Variants in ZDHHC2 observed in about 807,000 individuals in gnomAD.
ZDHHC2 encodes palmitoyltransferase ZDHHC2.
Under a neutral mutation model 55.6 loss-of-function variants are expected in ZDHHC2, and 51 were observed. The ratio of observed to expected loss-of-function variants is 0.92; its 90% CI spans 0.73 to 1.16. ZDHHC2 has a LOEUF of 1.16. Ranked by LOEUF, ZDHHC2 falls within the 50% of genes most tolerant of loss-of-function variation. The pLI, the probability that ZDHHC2 is intolerant of heterozygous loss-of-function variation, is 0.00. For missense variants in ZDHHC2, 491 were observed against 442.4 expected, an observed-to-expected ratio of 1.11 and a Z score of -0.99; for synonymous variants, 199 against 152.9, an observed-to-expected ratio of 1.30 and a Z score of -2.22.
intron 6 of ZDHHC2, among the ~76,000 whole-genome samples, chr8:17,199,332 A>G (rs1806499309): frequency 6.6e-6 from 1 of 152,134 alleles, no homozygotes; most frequent in Non-Finnish European, 1.5e-5. Context: ...CACTCTTCTT[A>G]AAGGTCTCAA....
At position 17,156,500 on chromosome 8, in the gene ZDHHC2, C is replaced by CGCA. The variant is rs1448408413; in HGVS notation, c.-221_-219dup. ...CCCCTCCGCCTCCTCGGCCTCCGCT[C>CGCA]GCAGCCGCCGCCTCCGCCTCCGCCG... is the stretch of plus-strand genomic sequence containing the variant. On this transcript the variant is annotated 5_prime_UTR_variant, in exon 1 of 13. Transcript: ENST00000262096. 2 of 170,294 alleles carry CGCA rather than the reference C, an allele frequency of 1.2e-5. No individual in the cohort carries two copies. Among genetic ancestry groups the CGCA allele is most frequent in the Non-Finnish European group, 2.3e-5 (2 of 85,320 alleles). The allele number at this position is 170,294 out of a possible 1,614,324, so 10.5% of individuals were successfully genotyped here. A position where few individuals can be genotyped will look rare whatever the true frequency, so the allele number is the denominator to read the frequency against.
At chr8:17,165,947 G>T (rs570929982) in intron 1 of ZDHHC2, among the ~76,000 whole-genome samples, 70 of 152,216 alleles carry the variant, frequency 4.6e-4, no homozygotes, top group Non-Finnish European at 8.4e-4. Context: ...CATGTGTGAG[G>T]AAGAGCAAGG....
intron 10 of ZDHHC2, among the ~76,000 whole-genome samples, chr8:17,212,311 T>A (rs973921567): frequency 5.3e-5 from 8 of 152,284 alleles, no homozygotes; most frequent in African/African-American, 1.9e-4. Context: ...CATCTCCAAC[T>A]AAACAGGTTC....
intron 1 of ZDHHC2, among the ~76,000 whole-genome samples, chr8:17,177,537 G>A (rs1000669605): frequency 6.6e-6 from 1 of 152,110 alleles, no homozygotes. Context: ...TTTTCAGTTA[G>A]TTTTTACTTC....
chr8:17,189,512 T>G (rs965515584), intron 3 of ZDHHC2, among the ~76,000 whole-genome samples: 17 of 152,228 alleles, frequency 1.1e-4, no homozygotes, highest in African/African-American at 3.9e-4. Flanking sequence ...AGAGATACTT[T>G]TTAAGTGACT....
In ZDHHC2 at chr8:17,174,528, C is replaced by A. The variant is rs117819170; in HGVS notation, c.131-10261C>A. Among the ~76,000 whole-genome samples, 708 of 152,160 alleles carry A rather than the reference C, an allele frequency of 4.7e-3. 5 individuals carry two copies. Among genetic ancestry groups the A allele is most frequent in the Middle Eastern group, 0.01 (3 of 294 alleles). On this transcript the variant is annotated intron_variant, in intron 1 of 12. Coordinates refer to ENST00000262096, the MANE Select transcript of ZDHHC2 (RefSeq NM_016353.5). ...GTAGGCTTCCCTTAACACACAGTCA[C>A]TAGTTTTTGTTATATTGTTAATAGT...
At position 17,156,740 on chromosome 8, in the gene ZDHHC2, CG is replaced by C; in HGVS notation, c.20del (p.Gly7AlafsTer37). On this transcript the variant is annotated frameshift_variant, in exon 1 of 13. Coordinates refer to ENST00000262096, the MANE Select transcript of ZDHHC2 (RefSeq NM_016353.5). LOFTEE classifies it high-confidence loss of function. MAPSG[P>X]GSSARRRCRR... ...GGCTGGAAGATGGCGCCCTCGGGCC[CG>C]GGCAGCAGCGCCAGGCGGCGGTGCC... 1 of 1,489,856 alleles carries C rather than the reference CG, an allele frequency of 6.7e-7. No homozygotes were observed. 92.3% of individuals were successfully genotyped at this position (1,489,856 alleles called of 1,614,324 possible). A position where few individuals can be genotyped will look rare whatever the true frequency, so the allele number is the denominator to read the frequency against.
intron 8 of ZDHHC2, among the ~76,000 whole-genome samples, chr8:17,209,714 A>C (rs1233193960): frequency 6.6e-6 from 1 of 152,186 alleles, no homozygotes; most frequent in Non-Finnish European, 1.5e-5. Flanking sequence ...ATTATAATAA[A>C]AAGGCATATT....
intron 12 of ZDHHC2, among the ~76,000 whole-genome samples, chr8:17,219,438 C>T (rs1183187635): frequency 6.6e-6 from 1 of 151,464 alleles, no homozygotes; most frequent in African/African-American, 2.4e-5. Flanking sequence ...TTTAGCTTAC[C>T]AACCTTTCCT....
At position 17,156,554 on chromosome 8, in the gene ZDHHC2, G is replaced by T. The variant is rs1289445099; in HGVS notation, c.-170G>T. ...TGAGGAGCCGGGAGTCCGCCGCGCCGGCTCGGGGCTGCGGGATGGGGAGTT... is the reference window on the plus strand; with the variant it reads ...TGAGGAGCCGGGAGTCCGCCGCGCCTGCTCGGGGCTGCGGGATGGGGAGTT... On this transcript the variant is annotated 5_prime_UTR_variant, in exon 1 of 13. Coordinates refer to ENST00000262096, the MANE Select transcript of ZDHHC2 (RefSeq NM_016353.5). The T allele has an allele frequency of 2.1e-5, 7 of 340,872 alleles. No homozygotes were observed. Among genetic ancestry groups the T allele is most frequent in the South Asian group, 1.1e-4 (1 of 8,902 alleles). 21.1% of individuals were successfully genotyped at this position (340,872 alleles called of 1,614,324 possible).
chr8:17,187,478 A>C (rs1041020686), intron 3 of ZDHHC2, among the ~76,000 whole-genome samples: 3 of 152,184 alleles, frequency 2.0e-5, no homozygotes, highest in African/African-American at 7.2e-5. Flanking sequence ...ACTTTGGTCA[A>C]AAAAGCCAAT....
intron 1 of ZDHHC2, among the ~76,000 whole-genome samples, chr8:17,183,974 AG>A (rs1385098265): frequency 1.3e-5 from 2 of 152,146 alleles, no homozygotes; most frequent in African/African-American, 2.4e-5. Flanking sequence ...TCCAGCACCA[AG>A]GCCTGAGGTC....
intron 1 of ZDHHC2, among the ~76,000 whole-genome samples, chr8:17,158,319 T>C (rs1363366697): frequency 1.3e-5 from 2 of 152,232 alleles, no homozygotes; most frequent in Non-Finnish European, 2.9e-5. Flanking sequence ...TCCTTCGTCC[T>C]CTTAAAAACA....
intron 1 of ZDHHC2, among the ~76,000 whole-genome samples, chr8:17,177,114 T>C (rs1183914168): frequency 1.3e-5 from 2 of 152,230 alleles, no homozygotes; most frequent in Non-Finnish European, 2.9e-5. Flanking sequence ...TGGCCAATTT[T>C]GTCAAAGAAT....
Position 17,221,813 on chromosome 8 carries a change from A to C in ZDHHC2, c.*1592A>C, listed in dbSNP as rs760116280. On this transcript the variant is annotated 3_prime_UTR_variant, in exon 13 of 13. Transcript: ENST00000262096. ...GAGTTTCATCTGACAATCTGCTTCA[A>C]GAAATCTCAGAAAATATGATAACAT... The C allele has an allele frequency of 1.3e-5, 2 of 152,484 alleles. No homozygotes were observed. The highest frequency in any genetic ancestry group is 2.4e-5 in the African/African-American group (1 of 41,458). 9.4% of individuals were successfully genotyped at this position (152,484 alleles called of 1,614,324 possible).
Position 17,205,015 on chromosome 8 carries a change from T to G in ZDHHC2, c.477-640T>G, listed in dbSNP as rs114303464. Among the ~76,000 whole-genome samples the G allele has an allele frequency of 5.9e-3, 899 of 152,284 alleles. 2 individuals are homozygous for G. Among genetic ancestry groups the G allele is most frequent in the African/African-American group, 0.02 (834 of 41,546 alleles). On this transcript the variant is annotated intron_variant, in intron 6 of 12. Coordinates refer to ENST00000262096, the MANE Select transcript of ZDHHC2 (RefSeq NM_016353.5). ...TTATAGCATATTTAGAGCCGACTTT[T>G]GGAAATGACCTCAGAGTGTTTTACT... is the stretch of plus-strand genomic sequence containing the variant.
At position 17,156,634 on chromosome 8, in the gene ZDHHC2, G is replaced by A; in HGVS notation, c.-90G>A. The A allele has an allele frequency of 1.9e-6, 2 of 1,043,012 alleles. No homozygotes were observed. Among genetic ancestry groups the A allele is most frequent in the Non-Finnish European group, 1.2e-6 (1 of 859,046 alleles). 64.6% of individuals were successfully genotyped at this position (1,043,012 alleles called of 1,614,324 possible). On this transcript the variant is annotated 5_prime_UTR_variant, in exon 1 of 13. Coordinates refer to ENST00000262096, the MANE Select transcript of ZDHHC2 (RefSeq NM_016353.5). ...GCACCCCGCCGCCGCCCAGGAGCCC[G>A]TCCAGCCAGGGGTGCCGGGCCCGCC...
chr8:17,208,627 T>G (rs1168912483), intron 8 of ZDHHC2, among the ~76,000 whole-genome samples: 1 of 152,126 alleles, frequency 6.6e-6, no homozygotes, highest in African/African-American at 2.4e-5. Context: ...GAGGATTAAT[T>G]ACAGTGGGTA....
chr8:17,213,153 T>A (rs1428962168), intron 10 of ZDHHC2, among the ~76,000 whole-genome samples: 2 of 152,208 alleles, frequency 1.3e-5, no homozygotes, highest in Non-Finnish European at 2.9e-5. Flanking sequence ...TTCTCTTTAT[T>A]TATATTCTGT....
Sources: gnomAD v4.1 joint callset for allele counts (sites outside exome capture counted in the v4.1 genomes callset) on GRCh38, gnomAD v4.1.1 for gene constraint, MANE v1.5 for transcripts, NCBI Gene and HGNC (gene_info 2026-07-23, HGNC 2026-07-21) for gene names.